The following SCFD1 variants were observed in gnomAD, a reference collection of about 807,000 sequenced individuals.
The protein encoded by SCFD1 is sec1 family domain-containing protein 1.
A neutral mutation model predicts 103.2 loss-of-function variants in SCFD1; 37 were observed. That is an observed-to-expected ratio of 0.36 (90% CI 0.28 to 0.47). The LOEUF (loss-of-function observed/expected upper bound fraction) is 0.47, where lower values mean the gene tolerates loss of function less well. Ranked by LOEUF, SCFD1 falls within the 20% of genes least tolerant of loss-of-function variation. The pLI, the probability that SCFD1 is intolerant of heterozygous loss-of-function variation, is 1.00. For missense variants in SCFD1, 639 were observed against 761.2 expected (o/e 0.84, Z 1.89); for synonymous variants, 264 against 245.0 (o/e 1.08, Z -0.73).
At chr14:30,651,391 C>T (rs1886376619) in intron 9 of SCFD1, among the ~76,000 whole-genome samples, 1 of 151,860 alleles carries the variant, frequency 6.6e-6, no homozygotes, top group South Asian at 2.1e-4. Flanking sequence ...TCTCCTACAG[C>T]CTTATAAACT....
intron 20 of SCFD1, among the ~76,000 whole-genome samples, chr14:30,716,426 A>G (rs989538728): frequency 6.6e-6 from 1 of 152,226 alleles, no homozygotes; most frequent in Non-Finnish European, 1.5e-5. Context: ...GAAGAAGTAA[A>G]TTGACAATGA....
chr14:30,733,335 G>A (rs188370505), intron 23 of SCFD1, among the ~76,000 whole-genome samples: 1 of 152,286 alleles, frequency 6.6e-6, no homozygotes, highest in African/African-American at 2.4e-5. Flanking sequence ...AACTGACAGA[G>A]TAAGTAAAGG....
intron 7 of SCFD1, among the ~76,000 whole-genome samples, chr14:30,647,218 G>T (rs1172371690): frequency 6.6e-6 from 1 of 151,832 alleles, no homozygotes; most frequent in Non-Finnish European, 1.5e-5. Flanking sequence ...AAACCTTTTT[G>T]TTAAAATGAT....
chr14:30,724,029 T>C (rs1467926883), intron 23 of SCFD1, among the ~76,000 whole-genome samples: 1 of 142,038 alleles, frequency 7.0e-6, no homozygotes, highest in Non-Finnish European at 1.5e-5. Context: ...CAAAAAGGGA[T>C]GTGTATAAGT....
At chr14:30,691,811 G>A (rs1890323797) in intron 14 of SCFD1, among the ~76,000 whole-genome samples, 2 of 152,026 alleles carry the variant, frequency 1.3e-5, no homozygotes, top group African/African-American at 4.8e-5. Flanking sequence ...TAATAAGTAA[G>A]TTACTACATC....
At chr14:30,691,935 T>TATTTATTTATTC (rs1243694929) in intron 14 of SCFD1, among the ~76,000 whole-genome samples, 4 of 134,554 alleles carry the variant, frequency 3.0e-5, no homozygotes, top group Non-Finnish European at 6.3e-5. Context: ...TAGCATACTT[T>TATTTATTTATTC]ATTTATTTAT....
At chr14:30,719,003 G>A (rs768981218) in intron 20 of SCFD1, among the ~76,000 whole-genome samples, 6 of 152,158 alleles carry the variant, frequency 3.9e-5, no homozygotes, top group Non-Finnish European at 8.8e-5. Context: ...AAAATAGACT[G>A]CCTGGGTTCA....
At chr14:30,673,140 T>G in intron 11 of SCFD1, 117 bp from the exon 12 acceptor site, 1 of 473,424 alleles carries the variant, frequency 2.1e-6, no homozygotes, top group Non-Finnish European at 3.8e-6. Flanking sequence ...ATAACATATA[T>G]TCAAATCCAA....
chr14:30,635,703 T>C (rs1884653088), intron 4 of SCFD1, among the ~76,000 whole-genome samples: 1 of 152,190 alleles, frequency 6.6e-6, no homozygotes, highest in Admixed American at 6.6e-5. Flanking sequence ...CTATTAATAA[T>C]GTTGCCATAA....
At chr14:30,724,030 G>A (rs914756127) in intron 23 of SCFD1, among the ~76,000 whole-genome samples, 2 of 137,176 alleles carry the variant, frequency 1.5e-5, no homozygotes, top group Non-Finnish European at 3.0e-5. Flanking sequence ...AAAAAGGGAT[G>A]TGTATAAGTG....
At chr14:30,649,738 C>T (rs1055640085) in intron 8 of SCFD1, among the ~76,000 whole-genome samples, 155 bp downstream of exon 8, 1 of 151,920 alleles carries the variant, frequency 6.6e-6, no homozygotes, top group Admixed American at 6.6e-5. Context: ...GAGATTGCAC[C>T]GAAGATAAAA....
intron 14 of SCFD1, among the ~76,000 whole-genome samples, chr14:30,684,756 A>C (rs1296758917): frequency 1.2e-4 from 17 of 142,374 alleles, no homozygotes; most frequent in East Asian, 8.1e-4. Context: ...TTACTTTTTA[A>C]AATATATTTA....
chr14:30,629,577 A>G lies in SCFD1; in HGVS notation c.133-900A>G, dbSNP rs229149. On this transcript the variant is annotated intron_variant, in intron 2 of 24. Coordinates refer to ENST00000458591, the MANE Select transcript of SCFD1 (RefSeq NM_016106.4). Reference sequence around the variant, plus strand: ...CTATCAAATACTCTTTAGGGACTTAATTTTTTTTTTTTTTTTTTTGAGATG... The same window carrying G: ...CTATCAAATACTCTTTAGGGACTTAGTTTTTTTTTTTTTTTTTTTGAGATG... Among the ~76,000 whole-genome samples, 1,265 of 135,552 alleles carry G rather than the reference A, an allele frequency of 9.3e-3. 14 individuals carry two copies. Among genetic ancestry groups the G allele is most frequent in the African/African-American group, 0.033 (1,179 of 36,106 alleles). 88.9% of individuals were successfully genotyped at this position (135,552 alleles called of 152,430 possible). A position where few individuals can be genotyped will look rare whatever the true frequency, so the allele number is the denominator to read the frequency against.
At chr14:30,720,666 G>A (rs575798449) in intron 21 of SCFD1, among the ~76,000 whole-genome samples, 4 of 152,138 alleles carry the variant, frequency 2.6e-5, no homozygotes, top group South Asian at 2.1e-4. Context: ...TATATAGTTC[G>A]TAATACTGTT....
At chr14:30,690,846 T>C (rs1019415367) in intron 14 of SCFD1, among the ~76,000 whole-genome samples, 13 of 152,246 alleles carry the variant, frequency 8.5e-5, no homozygotes, top group African/African-American at 3.1e-4. Context: ...CCACTTATTC[T>C]TAATATTTAT....
chr14:30,664,134 T>A (rs1300620400), intron 10 of SCFD1, among the ~76,000 whole-genome samples: 4 of 152,120 alleles, frequency 2.6e-5, no homozygotes, highest in African/African-American at 9.7e-5. Flanking sequence ...AGGGGCTGAC[T>A]GACACCTCAT....
intron 7 of SCFD1, among the ~76,000 whole-genome samples, chr14:30,647,892 C>G (rs1411153428): frequency 1.3e-5 from 2 of 152,074 alleles, no homozygotes; most frequent in African/African-American, 4.8e-5. Flanking sequence ...CTCAGGTGAT[C>G]CGCCCGCCTC....
intron 23 of SCFD1, among the ~76,000 whole-genome samples, chr14:30,725,942 A>G (rs967640402): frequency 6.6e-6 from 1 of 152,194 alleles, no homozygotes; most frequent in African/African-American, 2.4e-5. Context: ...GCACAGGACT[A>G]TATTCATCAC....
chr14:30,682,133 A>G (rs975955293), intron 14 of SCFD1, among the ~76,000 whole-genome samples: 24 of 152,214 alleles, frequency 1.6e-4, no homozygotes, highest in African/African-American at 3.4e-4. Flanking sequence ...TAGAAATTCA[A>G]TGTTTTTGGT....
Sources: gnomAD v4.1 joint callset for allele counts (sites outside exome capture counted in the v4.1 genomes callset) on GRCh38, gnomAD v4.1.1 for gene constraint, MANE v1.5 for transcripts, NCBI Gene and HGNC (gene_info 2026-07-23, HGNC 2026-07-21) for gene names.